Variants in USP6NL observed in about 807,000 individuals in gnomAD.
USP6NL encodes USP6 N-terminal-like protein.
Under a neutral mutation model 61.9 loss-of-function variants are expected in USP6NL, and 26 were observed. That is an observed-to-expected ratio of 0.42 (90% CI 0.31 to 0.58). The LOEUF is 0.58. Among genes scored for constraint, USP6NL ranks in the 20% least tolerant of loss-of-function variants. USP6NL has a pLI of 0.16. For missense variants in USP6NL, 1,114 were observed against 1,034.3 expected, an observed-to-expected ratio of 1.08 and a Z score of -1.06; for synonymous variants, 432 against 390.1, an observed-to-expected ratio of 1.11 and a Z score of -1.27.
chr10:11,525,578 AAG>A lies in USP6NL; in HGVS notation c.73-112_73-111del. ...CTATTTTTAATGTATTACTAAAAAT[AAG>A]AGCTGGAAGTGAGGCATTATGAGCC... On this transcript the variant is annotated intron_variant, in intron 3 of 14. Transcript: ENST00000609104. This position sits in a 1 kb window ranked among gnomAD's most constrained non-coding sequence, Gnocchi z 5.0. 1.1e-6 allele frequency: 1 copy of A among 950,680 alleles called. No homozygotes were observed. Among genetic ancestry groups the A allele is most frequent in the Non-Finnish European group, 1.5e-6 (1 of 673,832 alleles). The allele number at this position is 950,680 out of a possible 1,614,324, so 58.9% of individuals were successfully genotyped here.
intron 2 of USP6NL, among the ~76,000 whole-genome samples, chr10:11,529,964 A>C (rs7918398): frequency 2.0e-5 from 3 of 151,972 alleles, no homozygotes; most frequent in African/African-American, 7.2e-5. Context: ...AGCTGGGCAT[A>C]GTGGTGCTTG....
At chr10:11,507,347 G>T (rs1834494703) in intron 6 of USP6NL, among the ~76,000 whole-genome samples, 1 of 152,208 alleles carries the variant, frequency 6.6e-6, no homozygotes, top group Non-Finnish European at 1.5e-5. Flanking sequence ...ATCTGAGACT[G>T]CATAATATTA....
At chr10:11,500,638 CAA>C (rs1834143182) in intron 7 of USP6NL, among the ~76,000 whole-genome samples, 1 of 151,992 alleles carries the variant, frequency 6.6e-6, no homozygotes, top group Non-Finnish European at 1.5e-5. Context: ...AATCTTGGGG[CAA>C]AGTCATCTTT....
In USP6NL at chr10:11,598,081, C is replaced by A. The variant is rs192396480; in HGVS notation, c.-83-364G>T. On this transcript the variant is annotated intron_variant, in intron 1 of 14. Coordinates refer to ENST00000609104, the MANE Select transcript of USP6NL (RefSeq NM_014688.5). The surrounding 1 kb of genome is among the most constrained non-coding windows in gnomAD (Gnocchi z 4.7). The stretch of plus-strand genomic sequence containing the variant: ...CTAGGGTAAATACAGCCCACATCAT[C>A]CCTGCTGAGTATATTTTGACTGCAC... 3.0e-3 allele frequency among the ~76,000 whole-genome samples: 457 copies of A among 152,310 alleles called. 3 individuals carry two copies. The highest frequency in any genetic ancestry group is 5.0e-3 in the Non-Finnish European group (342 of 68,024).
chr10:11,484,468 A>G (rs930219024), intron 13 of USP6NL, among the ~76,000 whole-genome samples: 11 of 151,946 alleles, frequency 7.2e-5, no homozygotes, highest in African/African-American at 2.7e-4. Context: ...CAGAGGCCAT[A>G]ATGCACTGAG....
intron 2 of USP6NL, among the ~76,000 whole-genome samples, chr10:11,588,976 C>T (rs1838070547): frequency 6.6e-6 from 1 of 152,088 alleles, no homozygotes; most frequent in East Asian, 1.9e-4. Flanking sequence ...ACAAAGTTTC[C>T]ATACAAGGTC....
At position 11,520,230 on chromosome 10, in the gene USP6NL, G is replaced by A. The variant is rs1046193802; in HGVS notation, c.156-1656C>T. Among the ~76,000 whole-genome samples, 1 of 152,176 alleles carries A rather than the reference G, an allele frequency of 6.6e-6. No homozygotes were observed. On this transcript the variant is annotated intron_variant, in intron 4 of 14. Coordinates refer to ENST00000609104, the MANE Select transcript of USP6NL (RefSeq NM_014688.5). This position sits in a 1 kb window ranked among gnomAD's most constrained non-coding sequence, Gnocchi z 5.2. ...AGGCTGAGAAAACGATTCTCAAGAA[G>A]AAACGAAACTGGTTACAAATAAAAA...
At chr10:11,486,548 T>C (rs1394407710) in intron 10 of USP6NL, among the ~76,000 whole-genome samples, 1 of 152,198 alleles carries the variant, frequency 6.6e-6, no homozygotes, top group Non-Finnish European at 1.5e-5. Flanking sequence ...ATTTAACTCA[T>C]TGAACTTTAC....
Position 11,611,579 on chromosome 10 carries a change from C to A in USP6NL, c.-220G>T. 1 of 154,016 alleles carries A rather than the reference C, an allele frequency of 6.5e-6. No homozygotes were observed. The highest frequency in any genetic ancestry group is 1.8e-4 in the South Asian group (1 of 5,632). 9.5% of individuals were successfully genotyped at this position (154,016 alleles called of 1,614,324 possible). A position where few individuals can be genotyped will look rare whatever the true frequency, so the allele number is the denominator to read the frequency against. ...GCCCTCCGCCCCATTGTTTCCCTTC[C>A]AAGAGGATCCCGGCGAAGCCGAGCC... is the stretch of plus-strand genomic sequence containing the variant. On this transcript the variant is annotated 5_prime_UTR_variant, in exon 1 of 15. Coordinates refer to ENST00000609104, the MANE Select transcript of USP6NL (RefSeq NM_014688.5). The surrounding 1 kb of genome is among the most constrained non-coding windows in gnomAD (Gnocchi z 5.3).
rs538035965 is a variant in USP6NL at position 11,470,343 on chromosome 10, G to A, written c.1079-6494C>T. Among the ~76,000 whole-genome samples the A allele has an allele frequency of 3.3e-5, 5 of 152,264 alleles. No homozygotes were observed. Among genetic ancestry groups the A allele is most frequent in the East Asian group, 1.9e-4 (1 of 5,176 alleles). On this transcript the variant is annotated intron_variant, in intron 14 of 14. Transcript: ENST00000609104. This position sits in a 1 kb window ranked among gnomAD's most constrained non-coding sequence, Gnocchi z 5.4. Reference sequence around the variant, plus strand: ...GAGGCCTCGGCTCCACCAGCAATACGGAACCCAAGGACGCCATGCCAGGAT... The same window carrying A: ...GAGGCCTCGGCTCCACCAGCAATACAGAACCCAAGGACGCCATGCCAGGAT...
intron 13 of USP6NL, among the ~76,000 whole-genome samples, chr10:11,484,433 C>T (rs1833373239): frequency 6.6e-6 from 1 of 150,574 alleles, no homozygotes; most frequent in Admixed American, 6.6e-5. Flanking sequence ...ATTTATCTGC[C>T]TATAGACACT....
chr10:11,498,919 G>A (rs1834057265), intron 7 of USP6NL, among the ~76,000 whole-genome samples: 1 of 152,000 alleles, frequency 6.6e-6, no homozygotes, highest in Non-Finnish European at 1.5e-5. Flanking sequence ...ATATTTCTAT[G>A]CAACCATGTC....
intron 2 of USP6NL, among the ~76,000 whole-genome samples, chr10:11,539,800 G>A (rs985442425): frequency 6.6e-6 from 1 of 152,162 alleles, no homozygotes; most frequent in Non-Finnish European, 1.5e-5. Flanking sequence ...TTTATTGAGA[G>A]GTTACTATGT....
intron 14 of USP6NL, among the ~76,000 whole-genome samples, chr10:11,473,230 A>G (rs942492657): frequency 6.6e-6 from 1 of 152,224 alleles, no homozygotes; most frequent in Non-Finnish European, 1.5e-5. Flanking sequence ...CATTTATTCA[A>G]TAAAAGTAAC....
At position 11,478,802 on chromosome 10, in the gene USP6NL, A is replaced by G. The variant is rs534863302; in HGVS notation, c.1078+2968T>C. On this transcript the variant is annotated intron_variant, in intron 14 of 14. Coordinates refer to ENST00000609104, the MANE Select transcript of USP6NL (RefSeq NM_014688.5). The surrounding 1 kb of genome is among the most constrained non-coding windows in gnomAD (Gnocchi z 6.8). ...CACCTGTAGTCCCAGCTACCTGGGG[A>G]GACTGAGGTGGGAGGATCACTTGAG... is the stretch of plus-strand genomic sequence containing the variant. 8.5e-5 allele frequency among the ~76,000 whole-genome samples: 13 copies of G among 152,136 alleles called. No homozygotes were observed. In the East Asian group the frequency reaches 2.5e-3, roughly 29 times the overall value.
rs1838493317 is a variant in USP6NL, at chr10:11,600,725, T to G, written c.-83-3008A>C. On this transcript the variant is annotated intron_variant, in intron 1 of 14. Transcript: ENST00000609104. The surrounding 1 kb of genome is among the most constrained non-coding windows in gnomAD (Gnocchi z 4.1). ...TGGCTCACGCCTGTAATCCCAGCAC[T>G]TTGGGAGGCCGAGGCGGGTGGATCA... is the stretch of plus-strand genomic sequence containing the variant. Among the ~76,000 whole-genome samples, 1 of 152,194 alleles carries G rather than the reference T, an allele frequency of 6.6e-6. No homozygotes were observed. The highest frequency in any genetic ancestry group is 2.4e-5 in the African/African-American group (1 of 41,446).
intron 2 of USP6NL, among the ~76,000 whole-genome samples, chr10:11,594,461 AATCCTT>A (rs1246786491): frequency 2.0e-5 from 3 of 152,208 alleles, no homozygotes; most frequent in African/African-American, 7.2e-5. Flanking sequence ...CTCTAACTGA[AATCCTT>A]TAATAGCTCC....
chr10:11,492,697 A>G (rs529785738), intron 8 of USP6NL, among the ~76,000 whole-genome samples: 1 of 152,368 alleles, frequency 6.6e-6, no homozygotes, highest in East Asian at 1.9e-4. Context: ...CTTTTCATTT[A>G]TAAGTTGTCA....
intron 6 of USP6NL, among the ~76,000 whole-genome samples, chr10:11,506,323 G>A (rs1356774677): frequency 6.6e-6 from 1 of 152,130 alleles, no homozygotes; most frequent in Non-Finnish European, 1.5e-5. Context: ...ACTTAACAGA[G>A]ATAACTTCAC....
Sources: allele counts gnomAD v4.1 joint callset (sites outside exome capture counted in the v4.1 genomes callset), GRCh38; gene constraint gnomAD v4.1.1; non-coding constraint Gnocchi (gnomAD v3.1); transcripts MANE v1.5; gene names NCBI Gene and HGNC (gene_info 2026-07-23, HGNC 2026-07-21).